The following NUP153 variants were observed in gnomAD, a reference collection of about 807,000 sequenced individuals.
NUP153 encodes the protein nuclear pore complex protein Nup153.
Under a neutral mutation model 134.6 loss-of-function variants are expected in NUP153, and 27 were observed. That is an observed-to-expected ratio of 0.20 (90% CI 0.15 to 0.28). NUP153 has a LOEUF of 0.28. NUP153 is among the 10% of genes least tolerant of loss of function. The pLI is 1.00. For missense variants in NUP153, 1,821 were observed against 1,731.3 expected (o/e 1.05, Z -0.92); for synonymous variants, 640 against 623.5 (o/e 1.03, Z -0.40).
intron 2 of NUP153, among the ~76,000 whole-genome samples, chr6:17,686,402 TC>T (rs1186542808): frequency 6.6e-6 from 1 of 151,670 alleles, no homozygotes; most frequent in Non-Finnish European, 1.5e-5. Context: ...TTTTTTTATT[TC>T]TTTTTTTTTT....
intron 20 of NUP153, among the ~76,000 whole-genome samples, chr6:17,621,313 A>G (rs1764632496): frequency 1.3e-5 from 2 of 152,214 alleles, no homozygotes; most frequent in Admixed American, 6.5e-5. Flanking sequence ...CAAAAAATCT[A>G]AAAATAGAAT....
intron 5 of NUP153, among the ~76,000 whole-genome samples, chr6:17,674,340 AAAG>A (rs1216755772): frequency 6.6e-6 from 1 of 152,254 alleles, no homozygotes; most frequent in Non-Finnish European, 1.5e-5. Flanking sequence ...CATTTAAAAA[AAAG>A]AATCACATTT....
intron 14 of NUP153, among the ~76,000 whole-genome samples, chr6:17,640,977 A>G (rs1020197376): frequency 6.6e-6 from 1 of 152,150 alleles, no homozygotes; most frequent in Admixed American, 6.5e-5. Context: ...TGAAAAGTCT[A>G]GAATGTTTAC....
rs115918610 is a variant in NUP153, at chr6:17,668,829, C to T, written c.1068+146G>A. 6.6e-3 allele frequency: 3,629 copies of T among 550,720 alleles called. 114 individuals carry two copies. Among genetic ancestry groups the T allele is most frequent in the African/African-American group, 0.066 (3,217 of 48,844 alleles). 34.1% of individuals were successfully genotyped at this position (550,720 alleles called of 1,614,324 possible). On this transcript the variant is annotated intron_variant, in intron 8 of 21. Coordinates refer to ENST00000262077, the MANE Select transcript of NUP153 (RefSeq NM_005124.4). ...CTGCACACCAGTCTGGATGACAGAGCGAGACTGAGACTCAAAAAAAAAAAG... is the reference window on the plus strand; with the variant it reads ...CTGCACACCAGTCTGGATGACAGAGTGAGACTGAGACTCAAAAAAAAAAAG...
chr6:17,674,721 G>A lies in NUP153; in HGVS notation c.852+184C>T, dbSNP rs542807889. 3.9e-5 allele frequency among the ~76,000 whole-genome samples: 6 copies of A among 152,222 alleles called. No individual in the cohort carries two copies. In the East Asian group the frequency reaches 7.7e-4, roughly 20 times the overall value. Reference sequence around the variant, plus strand: ...GGAGACGGAGGTTGCAGTGTGGTCCGAGATTGTGCCACCGCACTCCAGCCT... The same window carrying A: ...GGAGACGGAGGTTGCAGTGTGGTCCAAGATTGTGCCACCGCACTCCAGCCT... On this transcript the variant is annotated intron_variant, in intron 5 of 21. Coordinates refer to ENST00000262077, the MANE Select transcript of NUP153 (RefSeq NM_005124.4).
At chr6:17,647,965 CAA>C (rs1766295001) in intron 12 of NUP153, 60 bp from the exon 13 acceptor site, 1 of 1,031,546 alleles carries the variant, frequency 9.7e-7, no homozygotes, top group Non-Finnish European at 1.5e-6. Flanking sequence ...AATAAAGTGA[CAA>C]AAAAGACATT....
At chr6:17,622,961 T>C (rs766773126) in intron 20 of NUP153, among the ~76,000 whole-genome samples, 2 of 151,878 alleles carry the variant, frequency 1.3e-5, no homozygotes, top group Non-Finnish European at 2.9e-5. Flanking sequence ...AAACCCCATC[T>C]CTACTAAAAA....
intron 21 of NUP153, 86 bp downstream of exon 21, chr6:17,616,441 A>T (rs1255029554): frequency 8.4e-7 from 1 of 1,186,072 alleles, no homozygotes; most frequent in Non-Finnish European, 1.2e-6. Flanking sequence ...ACCATACGGA[A>T]TCTTGATGAC....
chr6:17,632,634 A>AT lies in NUP153; in HGVS notation c.2659+15dup, dbSNP rs1581675954. On this transcript the variant is annotated intron_variant, in intron 17 of 21. Coordinates refer to ENST00000262077, the MANE Select transcript of NUP153 (RefSeq NM_005124.4). ...GCGCTTTACCATCACCTTTATTTTT[A>AT]TTTTTTTGGCCTTACCTTTAAACCC... The AT allele has an allele frequency of 1.9e-6, 3 of 1,570,086 alleles. No homozygotes were observed. Among genetic ancestry groups the AT allele is most frequent in the Middle Eastern group, 1.7e-4 (1 of 5,848 alleles).
chr6:17,654,591 A>AT (rs1766699673), intron 11 of NUP153, among the ~76,000 whole-genome samples: 1 of 152,148 alleles, frequency 6.6e-6, no homozygotes, highest in African/African-American at 2.4e-5. Context: ...AAGTGCTGCG[A>AT]TTACAGGCAT....
intron 16 of NUP153, among the ~76,000 whole-genome samples, chr6:17,634,973 A>T (rs1451575663): frequency 4.5e-4 from 6 of 13,202 alleles, no homozygotes; most frequent in East Asian, 3.6e-3. Context: ...AAAACAAATT[A>T]AAAAATAAAA....
At chr6:17,646,422 G>C (rs1309321622) in intron 13 of NUP153, among the ~76,000 whole-genome samples, 1 of 152,068 alleles carries the variant, frequency 6.6e-6, no homozygotes, top group Non-Finnish European at 1.5e-5. Flanking sequence ...TAGCCAGGAT[G>C]GTCTCGATCT....
intron 1 of NUP153, among the ~76,000 whole-genome samples, chr6:17,701,912 C>T (rs1770131322): frequency 6.7e-6 from 1 of 149,920 alleles, no homozygotes; most frequent in South Asian, 2.1e-4. Context: ...GGCGGAGTCC[C>T]TTAGCTCTAA....
At chr6:17,705,986 A>T (rs1029877864) in intron 1 of NUP153, among the ~76,000 whole-genome samples, 3 of 152,198 alleles carry the variant, frequency 2.0e-5, no homozygotes, top group African/African-American at 4.8e-5. Context: ...AAACGCGCGC[A>T]TCATGGGCCT....
chr6:17,629,188 T>C lies in NUP153; in HGVS notation c.3011A>G (p.Asn1004Ser). The change falls in exon 18 of 22, where the codon AAT becomes AGT. Residue 1004 changes from asparagine to serine, a missense_variant. By Grantham distance (46) the Asn-to-Ser change is conservative. Transcript: ENST00000262077. ...CTCTTTCTTTTCTTCCTGTCCAAGATTAGATACCCCAAATTGAAATGGAGT... is the reference window on the plus strand; with the variant it reads ...CTCTTTCTTTTCTTCCTGTCCAAGACTAGATACCCCAAATTGAAATGGAGT... ...SLTPFQFGVS[N>S]LGQEEKKEEL... 1 of 1,613,308 alleles carries C rather than the reference T, an allele frequency of 6.2e-7. No homozygotes were observed. Among genetic ancestry groups the C allele is most frequent in the Non-Finnish European group, 8.5e-7 (1 of 1,179,842 alleles).
intron 9 of NUP153, 116 bp downstream of exon 9, chr6:17,665,123 A>T: frequency 1.6e-6 from 1 of 623,478 alleles, no homozygotes; most frequent in South Asian, 3.3e-5. Flanking sequence ...TCACTAATTC[A>T]CAACCTTTAT....
Position 17,685,974 on chromosome 6 carries a change from G to A in NUP153, c.334+2422C>T, listed in dbSNP as rs141541131. On this transcript the variant is annotated intron_variant, in intron 2 of 21. Coordinates refer to ENST00000262077, the MANE Select transcript of NUP153 (RefSeq NM_005124.4). Reference sequence around the variant, plus strand: ...AGCCTAAGCAACAGAGTTTGACCTCGTCTCCACAAAAAAATTAAAAAAAAT... The same window carrying A: ...AGCCTAAGCAACAGAGTTTGACCTCATCTCCACAAAAAAATTAAAAAAAAT... Among the ~76,000 whole-genome samples the A allele has an allele frequency of 9.6e-4, 146 of 151,916 alleles. 3 individuals carry two copies. In the East Asian group the frequency reaches 0.016, roughly 17 times the overall value.
At chr6:17,678,869 C>A (rs1284819574) in intron 2 of NUP153, among the ~76,000 whole-genome samples, 1 of 151,752 alleles carries the variant, frequency 6.6e-6, no homozygotes, top group Non-Finnish European at 1.5e-5. Context: ...TCACTTGAGC[C>A]CAGGAGTTCA....
chr6:17,676,578 G>A (rs1768234694), intron 2 of NUP153, among the ~76,000 whole-genome samples: 1 of 152,074 alleles, frequency 6.6e-6, no homozygotes, highest in African/African-American at 2.4e-5. Context: ...CCCAAAAAGA[G>A]GCTTCCAGTT....
Sources: gnomAD v4.1 joint callset for allele counts (sites outside exome capture counted in the v4.1 genomes callset) on GRCh38, gnomAD v4.1.1 for gene constraint, MANE v1.5 for transcripts, NCBI Gene and HGNC (gene_info 2026-07-23, HGNC 2026-07-21) for gene names.